DIS3L2: variants seen among roughly 807,000 people sequenced by gnomAD.
The protein encoded by DIS3L2 is DIS3 like 3'-5' exoribonuclease 2, also known as DIS3-like exonuclease 2.
Under a neutral mutation model 97.5 loss-of-function variants are expected in DIS3L2, and 34 were observed. That is an observed-to-expected ratio of 0.35 (90% CI 0.27 to 0.46). The LOEUF (loss-of-function observed/expected upper bound fraction) is 0.46. Among genes scored for constraint, DIS3L2 ranks in the 20% least tolerant of loss-of-function variants. DIS3L2 has a pLI of 1.00. For missense variants in DIS3L2, 1,038 were observed against 1,146.0 expected (o/e 0.91, Z 1.36); for synonymous variants, 435 against 445.2 (o/e 0.98, Z 0.29).
intron 5 of DIS3L2, among the ~76,000 whole-genome samples, chr2:232,068,407 A>G (rs1179357425): frequency 4.0e-5 from 1 of 25,062 alleles, no homozygotes; most frequent in Non-Finnish European, 7.1e-5. Context: ...CCCTATTGCT[A>G]CTAAAAAAAA....
At chr2:232,316,997 C>T (rs1449074390) in intron 14 of DIS3L2, among the ~76,000 whole-genome samples, 3 of 152,176 alleles carry the variant, frequency 2.0e-5, no homozygotes, top group Non-Finnish European at 2.9e-5. Flanking sequence ...TTAGTGTCAT[C>T]GAGCTTAACT....
intron 1 of DIS3L2, among the ~76,000 whole-genome samples, chr2:231,965,337 G>C (rs1271826632): frequency 6.6e-6 from 1 of 152,124 alleles, no homozygotes; most frequent in Non-Finnish European, 1.5e-5. Context: ...CAACCAGTAG[G>C]TATGCTTTAC....
chr2:232,097,524 A>G (rs1011668722), intron 6 of DIS3L2, among the ~76,000 whole-genome samples: 5 of 152,154 alleles, frequency 3.3e-5, no homozygotes, highest in Admixed American at 2.6e-4. Flanking sequence ...GGCTGCCACC[A>G]CTACAGACCC....
intron 12 of DIS3L2, among the ~76,000 whole-genome samples, chr2:232,256,578 G>A (rs1319263214): frequency 2.0e-5 from 3 of 152,088 alleles, no homozygotes; most frequent in South Asian, 2.1e-4. Context: ...TTTTTTCTTC[G>A]GTTCCAACCT....
At chr2:232,329,786 C>CCCCGGGGGGCG in intron 14 of DIS3L2, 27 bp from the exon 15 acceptor site, 7 of 430,238 alleles carry the variant, frequency 1.6e-5, no homozygotes, top group Non-Finnish European at 2.9e-5. Context: ...CCCCAGCGGT[C>CCCCGGGGGGCG]CCTCCCATCC....
intron 10 of DIS3L2, among the ~76,000 whole-genome samples, chr2:232,217,882 C>T (rs908051726): frequency 6.6e-6 from 1 of 152,124 alleles, no homozygotes; most frequent in African/African-American, 2.4e-5. Flanking sequence ...AGCATGGACA[C>T]CCATGTAGAA....
At chr2:232,029,877 A>G (rs1204488853) in intron 4 of DIS3L2, 102 bp from the exon 5 acceptor site, 7 of 806,578 alleles carry the variant, frequency 8.7e-6, no homozygotes, top group Non-Finnish European at 1.4e-5. Context: ...ATAACCTAAG[A>G]ATAACTTGCT....
At chr2:232,079,839 A>G (rs1037248358) in intron 5 of DIS3L2, among the ~76,000 whole-genome samples, 1 of 152,176 alleles carries the variant, frequency 6.6e-6, no homozygotes, top group Admixed American at 6.5e-5. Context: ...GGAAGGTTGT[A>G]GTATTCTAGG....
chr2:232,134,419 A>G (rs1343063694), intron 7 of DIS3L2, among the ~76,000 whole-genome samples: 1 of 152,212 alleles, frequency 6.6e-6, no homozygotes, highest in Non-Finnish European at 1.5e-5. Context: ...AGGTTAGAGA[A>G]TACTGGTGGC....
intron 8 of DIS3L2, among the ~76,000 whole-genome samples, chr2:232,158,603 T>C (rs1420042941): frequency 6.6e-6 from 1 of 152,184 alleles, no homozygotes; most frequent in East Asian, 1.9e-4. Context: ...TCTCCCCCTT[T>C]TTCTGGCTCT....
chr2:232,266,912 C>CGT (rs967652605), intron 13 of DIS3L2, among the ~76,000 whole-genome samples: 3 of 152,188 alleles, frequency 2.0e-5, no homozygotes, highest in African/African-American at 7.2e-5. Context: ...TCAGAATAAG[C>CGT]GTGTAAACCA....
chr2:232,014,068 G>A (rs1376407167), intron 1 of DIS3L2, among the ~76,000 whole-genome samples: 1 of 152,216 alleles, frequency 6.6e-6, no homozygotes, highest in Non-Finnish European at 1.5e-5. Flanking sequence ...TGGGCTGGTG[G>A]CCAGCAGAGA....
intron 5 of DIS3L2, among the ~76,000 whole-genome samples, chr2:232,041,361 T>C (rs1032570636): frequency 5.9e-5 from 9 of 152,290 alleles, no homozygotes; most frequent in African/African-American, 2.2e-4. Context: ...GCAGTTGTCA[T>C]ATAGGAGGAA....
intron 9 of DIS3L2, among the ~76,000 whole-genome samples, chr2:232,188,801 TTC>T (rs1691521732): frequency 6.6e-6 from 1 of 152,068 alleles, no homozygotes; most frequent in African/African-American, 2.4e-5. Context: ...CTGCAGAAAA[TTC>T]TTTCTGCAGC....
chr2:232,244,792 T>C (rs1284895345), intron 11 of DIS3L2, among the ~76,000 whole-genome samples: 1 of 152,066 alleles, frequency 6.6e-6, no homozygotes, highest in Non-Finnish European at 1.5e-5. Context: ...AATAGTAACA[T>C]TTTGGGACCT....
intron 9 of DIS3L2, among the ~76,000 whole-genome samples, chr2:232,204,208 G>GACTACA (rs1487910276): frequency 1.1e-4 from 17 of 152,158 alleles, no homozygotes; most frequent in Non-Finnish European, 2.1e-4. Flanking sequence ...TTGCTGTGGC[G>GACTACA]ACTAGACAGC....
downstream of DIS3L2, chr2:232,337,224 G>GTGAC (rs1695989308): frequency 3.3e-6 from 3 of 899,954 alleles, no homozygotes; most frequent in South Asian, 5.4e-5. Flanking sequence ...CCTGACGAAT[G>GTGAC]TGACTGTGTC....
chr2:232,252,685 G>A (rs2106268454), intron 12 of DIS3L2, among the ~76,000 whole-genome samples: 1 of 152,154 alleles, frequency 6.6e-6, no homozygotes, highest in East Asian at 1.9e-4. Context: ...CAGATTGCTT[G>A]ACCCCAGGAG....
In DIS3L2 at chr2:231,995,593, G is replaced by A. The variant is rs550578541; in HGVS notation, c.-93-19242G>A. On this transcript the variant is annotated intron_variant, in intron 1 of 20. Coordinates refer to ENST00000325385, the MANE Select transcript of DIS3L2 (RefSeq NM_152383.5). Reference sequence around the variant, plus strand: ...GCCTTAGAGTCTTCAGTCCCTCTGCGGCTTTAAACCACTCTTGATACTAAC... The same window carrying A: ...GCCTTAGAGTCTTCAGTCCCTCTGCAGCTTTAAACCACTCTTGATACTAAC... Among the ~76,000 whole-genome samples, 7 of 152,160 alleles carry A rather than the reference G, an allele frequency of 4.6e-5. No individual in the cohort carries two copies. In the South Asian group the frequency reaches 8.3e-4, roughly 18 times the overall value.
Sources: gnomAD v4.1 joint callset for allele counts (sites outside exome capture counted in the v4.1 genomes callset) on GRCh38, gnomAD v4.1.1 for gene constraint, MANE v1.5 for transcripts, NCBI Gene and HGNC (gene_info 2026-07-23, HGNC 2026-07-21) for gene names.